Variants in LTBP1 observed in about 807,000 individuals in gnomAD.
The protein encoded by LTBP1 is latent transforming growth factor beta binding protein 1.
A neutral mutation model predicts 207.6 loss-of-function variants in LTBP1; 129 were observed. The ratio of observed to expected loss-of-function variants is 0.62; its 90% confidence interval spans 0.54 to 0.72. The LOEUF (loss-of-function observed/expected upper bound fraction) is 0.72, where lower values mean the gene tolerates loss of function less well. Ranked by LOEUF, LTBP1 falls within the 30% of genes least tolerant of loss-of-function variation. The pLI is 0.00. For missense variants in LTBP1, 2,281 were observed against 2,217.2 expected (o/e 1.03, Z -0.58); for synonymous variants, 963 against 833.7 (o/e 1.16, Z -2.67).
chr2:32,994,004 G>GTA (rs1684855171), intron 2 of LTBP1, among the ~76,000 whole-genome samples: 1 of 149,880 alleles, frequency 6.7e-6, no homozygotes, highest in African/African-American at 2.4e-5. Flanking sequence ...GTGTGTGTGT[G>GTA]TGTGTTGGGG....
chr2:33,181,531 G>A (rs1230509298), intron 5 of LTBP1, among the ~76,000 whole-genome samples: 2 of 152,104 alleles, frequency 1.3e-5, no homozygotes, highest in African/African-American at 2.4e-5. Flanking sequence ...TTGAGTGACC[G>A]TCACAAAATT....
chr2:33,261,851 C>T (rs1482899207), intron 13 of LTBP1, among the ~76,000 whole-genome samples: 1 of 152,100 alleles, frequency 6.6e-6, no homozygotes, highest in Non-Finnish European at 1.5e-5. Flanking sequence ...ATACTTGAAG[C>T]CAGGAGAAGA....
rs371430492 is a variant in LTBP1 at position 33,299,988 on chromosome 2, G to C, written c.3236-463G>C. Among the ~76,000 whole-genome samples the C allele has an allele frequency of 8.5e-5, 13 of 152,274 alleles. No homozygotes were observed. The East Asian group carries it at 2.3e-3, about 27-fold the overall frequency. On this transcript the variant is annotated intron_variant, in intron 20 of 33. Coordinates refer to ENST00000404816, the MANE Select transcript of LTBP1 (RefSeq NM_206943.4). ...CTTTATACAACTGTTTGGCCTTATA[G>C]TTCAACTTCTAGACAAAGTAGAATT...
chr2:33,340,338 A>G (rs2094604113), intron 24 of LTBP1, among the ~76,000 whole-genome samples: 1 of 151,680 alleles, frequency 6.6e-6, no homozygotes, highest in Non-Finnish European at 1.5e-5. Flanking sequence ...CCCAAGGAGC[A>G]TGGTCACTGA....
chr2:33,008,204 G>A (rs1687193947), intron 2 of LTBP1, among the ~76,000 whole-genome samples: 1 of 152,142 alleles, frequency 6.6e-6, no homozygotes, highest in African/African-American at 2.4e-5. Context: ...GATTATACAT[G>A]TTGATAATAG....
At chr2:33,005,521 C>T (rs777081627) in intron 2 of LTBP1, among the ~76,000 whole-genome samples, 6 of 151,756 alleles carry the variant, frequency 4.0e-5, no homozygotes, top group Admixed American at 1.3e-4. Flanking sequence ...CTTAGTATGG[C>T]ACTTCTGCAT....
chr2:33,085,853 G>C (rs1173578403), intron 3 of LTBP1, among the ~76,000 whole-genome samples: 1 of 152,118 alleles, frequency 6.6e-6, no homozygotes, highest in Non-Finnish European at 1.5e-5. Flanking sequence ...CTGGCCACTG[G>C]GTGTGGTGGG....
intron 24 of LTBP1, among the ~76,000 whole-genome samples, chr2:33,322,925 A>C (rs2094376949): frequency 6.6e-6 from 1 of 151,634 alleles, no homozygotes; most frequent in African/African-American, 2.4e-5. Context: ...ACCTTATTCT[A>C]CTTCTTTACC....
chr2:32,997,505 A>G (rs964892589), intron 2 of LTBP1, among the ~76,000 whole-genome samples: 1 of 152,106 alleles, frequency 6.6e-6, no homozygotes, highest in Non-Finnish European at 1.5e-5. Flanking sequence ...CCCTGTCTTT[A>G]AAAAACAAAA....
chr2:33,229,511 G>A (rs1204893744), intron 9 of LTBP1, among the ~76,000 whole-genome samples: 4 of 152,052 alleles, frequency 2.6e-5, no homozygotes, highest in Admixed American at 6.6e-5. Flanking sequence ...AAGGAGAGAC[G>A]GAGGGAGAGA....
rs182793353 is a variant in LTBP1, at chr2:33,239,149, A to G, written c.1877-4513A>G. ...AGCTGAAGTATGTGGTAGGCTATAC[A>G]GGCAGAGATACCTGTAAATGTTTTA... On this transcript the variant is annotated intron_variant, in intron 9 of 33. Coordinates refer to ENST00000404816, the MANE Select transcript of LTBP1 (RefSeq NM_206943.4). 3.0e-3 allele frequency among the ~76,000 whole-genome samples: 460 copies of G among 152,340 alleles called. 2 individuals are homozygous for G. The highest frequency in any genetic ancestry group is 3.4e-3 in the Middle Eastern group (1 of 294).
intron 5 of LTBP1, among the ~76,000 whole-genome samples, chr2:33,152,688 A>T (rs2083637826): frequency 6.6e-6 from 1 of 152,180 alleles, no homozygotes. Flanking sequence ...GCATTCCCCT[A>T]ATGATTGATG....
At chr2:33,053,518 T>C (rs1321432950) in intron 3 of LTBP1, among the ~76,000 whole-genome samples, 2 of 152,050 alleles carry the variant, frequency 1.3e-5, no homozygotes, top group African/African-American at 2.4e-5. Context: ...TCTCGGTGCT[T>C]CCTCGGCCTC....
chr2:33,226,218 T>A (rs2091429822), intron 9 of LTBP1, among the ~76,000 whole-genome samples: 1 of 152,180 alleles, frequency 6.6e-6, no homozygotes, highest in Non-Finnish European at 1.5e-5. Flanking sequence ...TCTGGCAAAT[T>A]TCAGTCTGTG....
chr2:32,980,003 T>G (rs1345625923), intron 2 of LTBP1, among the ~76,000 whole-genome samples: 21 of 152,166 alleles, frequency 1.4e-4, no homozygotes. Context: ...CTCCTCTATT[T>G]TGGTTTCCAT....
intron 7 of LTBP1, among the ~76,000 whole-genome samples, chr2:33,211,949 A>G (rs990126229): frequency 2.0e-4 from 30 of 152,350 alleles, no homozygotes; most frequent in Non-Finnish European, 3.8e-4. Flanking sequence ...TATTACCTCA[A>G]AAATGAGATT....
In LTBP1 at chr2:33,273,795, T is replaced by A; in HGVS notation, c.2743+14T>A. On this transcript the variant is annotated intron_variant, in intron 16 of 33. Coordinates refer to ENST00000404816, the MANE Select transcript of LTBP1 (RefSeq NM_206943.4). ...GGAAATGTGTGGGTAAGAGACAATT[T>A]GATTGACTAAATTATTAAATATCAA... is the stretch of plus-strand genomic sequence containing the variant. 1 of 1,577,948 alleles carries A rather than the reference T, an allele frequency of 6.3e-7. No individual in the cohort carries two copies. The highest frequency in any genetic ancestry group is 8.6e-7 in the Non-Finnish European group (1 of 1,165,966).
In LTBP1 at chr2:33,076,814, C is replaced by G. The variant is rs184732185; in HGVS notation, c.864-33768C>G. ...CCTCCCAAAGTACTGGGATTACAGG[C>G]ATGAGCCACCGCGCCCAGACCCTAA... On this transcript the variant is annotated intron_variant, in intron 3 of 33. Transcript: ENST00000404816. 2.0e-4 allele frequency among the ~76,000 whole-genome samples: 21 copies of G among 105,110 alleles called. No individual in the cohort carries two copies. In the Admixed American group the frequency reaches 2.6e-3, roughly 13 times the overall value. 69.0% of individuals were successfully genotyped at this position (105,110 alleles called of 152,430 possible).
chr2:33,380,875 C>T (rs142798017), intron 31 of LTBP1, among the ~76,000 whole-genome samples: 2,801 of 152,076 alleles, frequency 0.018, 84 homozygotes, highest in African/African-American at 0.065. Context: ...TGTTTTTAAA[C>T]AATTCTTACT....
Sources: allele counts gnomAD v4.1 joint callset (sites outside exome capture counted in the v4.1 genomes callset), GRCh38; gene constraint gnomAD v4.1.1; transcripts MANE v1.5; gene names NCBI Gene and HGNC (gene_info 2026-07-23, HGNC 2026-07-21).